Variants in PPP4R2 observed in about 807,000 individuals in gnomAD.
The protein encoded by PPP4R2 is serine/threonine-protein phosphatase 4 regulatory subunit 2.
In PPP4R2, 13 loss-of-function variants were observed where a neutral mutation model predicts 47.2. That is an observed-to-expected ratio of 0.28 (90% CI 0.18 to 0.44). The LOEUF (loss-of-function observed/expected upper bound fraction) is 0.44. Among genes scored for constraint, PPP4R2 ranks in the 20% least tolerant of loss-of-function variants. The pLI is 1.00. For synonymous variants in PPP4R2, 151 were observed against 163.3 expected, an observed-to-expected ratio of 0.92 and a Z score of 0.57; for missense variants, 421 against 491.2, an observed-to-expected ratio of 0.86 and a Z score of 1.35.
chr3:73,035,096 A>G (rs1456990173), intron 2 of PPP4R2, among the ~76,000 whole-genome samples: 3 of 152,108 alleles, frequency 2.0e-5, no homozygotes, highest in African/African-American at 7.2e-5. Context: ...AAAAACACCA[A>G]ATTATCCAAT....
intron 2 of PPP4R2, among the ~76,000 whole-genome samples, chr3:73,015,366 A>G (rs929400170): frequency 4.6e-5 from 7 of 151,688 alleles, no homozygotes; most frequent in Non-Finnish European, 1.0e-4. Context: ...TAGTAGAGAC[A>G]GGGTTTTGCC....
chr3:73,004,686 C>A (rs1278086343), intron 2 of PPP4R2, among the ~76,000 whole-genome samples: 1 of 152,120 alleles, frequency 6.6e-6, no homozygotes, highest in Non-Finnish European at 1.5e-5. Flanking sequence ...CTTAAGTGAT[C>A]TGCCCACTTT....
At chr3:73,034,152 C>G (rs1702220214) in intron 2 of PPP4R2, among the ~76,000 whole-genome samples, 1 of 152,018 alleles carries the variant, frequency 6.6e-6, no homozygotes, top group Admixed American at 6.5e-5. Flanking sequence ...GTATTTTTTT[C>G]TTTTTAAACT....
At chr3:73,055,117 G>C (rs561092212) in intron 3 of PPP4R2, among the ~76,000 whole-genome samples, 7 of 152,280 alleles carry the variant, frequency 4.6e-5, no homozygotes, top group African/African-American at 1.4e-4. Flanking sequence ...ATTAAAGGGA[G>C]TATTTTTAAA....
intron 2 of PPP4R2, among the ~76,000 whole-genome samples, chr3:73,016,546 C>T (rs769122023): frequency 2.0e-5 from 3 of 151,962 alleles, no homozygotes; most frequent in African/African-American, 4.8e-5. Context: ...CTTCTAGGAC[C>T]TCTGAAATTT....
intron 2 of PPP4R2, among the ~76,000 whole-genome samples, chr3:73,016,954 G>A (rs1417635546): frequency 6.6e-6 from 1 of 151,342 alleles, no homozygotes; most frequent in Non-Finnish European, 1.5e-5. Flanking sequence ...AGCCACCCGA[G>A]TAGCTGGGAT....
chr3:73,065,922 C>CGTA lies in PPP4R2; in HGVS notation c.*201_*202insTAG, dbSNP rs1702985650. The CGTA allele has an allele frequency of 1.7e-5, 6 of 361,546 alleles. No homozygotes were observed. The East Asian group carries it at 2.4e-4, about 15-fold the overall frequency. The allele number at this position is 361,546 out of a possible 1,614,324, so 22.4% of individuals were successfully genotyped here. Reference sequence around the variant, plus strand: ...CTCCTCTGGGTCCTGCTTACCTTACCGCTGACTTTTCTTTCTTTCTTTTTT... The same window carrying CGTA: ...CTCCTCTGGGTCCTGCTTACCTTACCGTAGCTGACTTTTCTTTCTTTCTTTTTT... On this transcript the variant is annotated 3_prime_UTR_variant, in exon 9 of 9. Coordinates refer to ENST00000356692, the MANE Select transcript of PPP4R2 (RefSeq NM_174907.4).
In PPP4R2 at chr3:73,006,806, G is replaced by A. The variant is rs186890385; in HGVS notation, c.116+8648G>A. The stretch of plus-strand genomic sequence containing the variant: ...GCTGCTGTTCTCAAATTGGTCTGCA[G>A]TGATTTCCAATGAGTACCTGTTGGC... On this transcript the variant is annotated intron_variant, in intron 2 of 8. Transcript: ENST00000356692. Among the ~76,000 whole-genome samples the A allele has an allele frequency of 3.9e-3, 600 of 152,312 alleles. 2 individuals carry two copies. The highest frequency in any genetic ancestry group is 0.01 in the Middle Eastern group (3 of 294).
chr3:73,063,814 G>A, intron 6 of PPP4R2, 67 bp downstream of exon 6: 1 of 1,249,506 alleles, frequency 8.0e-7, no homozygotes, highest in Non-Finnish European at 1.2e-6. Context: ...CAGGCTTAGT[G>A]TACTTTTTAA....
intron 2 of PPP4R2, among the ~76,000 whole-genome samples, chr3:73,014,640 T>C (rs944653493): frequency 3.3e-5 from 5 of 152,146 alleles, no homozygotes; most frequent in Non-Finnish European, 7.4e-5. Flanking sequence ...AGGTGAAAAA[T>C]GCTTTATTTA....
chr3:73,016,813 CTTTTTTTT>C (rs1207946652), intron 2 of PPP4R2, among the ~76,000 whole-genome samples: 1 of 72,908 alleles, frequency 1.4e-5, no homozygotes, highest in Non-Finnish European at 2.4e-5. Flanking sequence ...TTCATTGTTT[CTTTTTTTT>C]TTTTTTTTTT....
intron 2 of PPP4R2, among the ~76,000 whole-genome samples, chr3:73,020,245 G>T (rs1701930946): frequency 6.6e-6 from 1 of 152,120 alleles, no homozygotes; most frequent in Admixed American, 6.5e-5. Context: ...ACCCAGGTTG[G>T]AGTGTAGTGG....
chr3:73,047,842 T>C (rs956739787), intron 3 of PPP4R2, among the ~76,000 whole-genome samples: 33 of 152,142 alleles, frequency 2.2e-4, no homozygotes, highest in African/African-American at 7.5e-4. Flanking sequence ...TAAAAAGATA[T>C]TCTGTACAAA....
chr3:73,044,410 C>A (rs1190017229), intron 2 of PPP4R2, among the ~76,000 whole-genome samples: 1 of 152,076 alleles, frequency 6.6e-6, no homozygotes, highest in Non-Finnish European at 1.5e-5. Context: ...CATGGTGAAA[C>A]CCCGTCTCTA....
intron 2 of PPP4R2, among the ~76,000 whole-genome samples, chr3:73,033,240 A>G (rs745435779): frequency 7.9e-5 from 12 of 152,232 alleles, no homozygotes; most frequent in East Asian, 3.9e-4. Context: ...CTAGGTTGAA[A>G]ATTATTGTCT....
chr3:73,024,075 T>C (rs972494011), intron 2 of PPP4R2, among the ~76,000 whole-genome samples: 2 of 151,916 alleles, frequency 1.3e-5, no homozygotes, highest in Non-Finnish European at 2.9e-5. Flanking sequence ...ATTTTATAGA[T>C]ATGATTGGCT....
At chr3:73,023,609 A>G (rs953706990) in intron 2 of PPP4R2, among the ~76,000 whole-genome samples, 1 of 152,216 alleles carries the variant, frequency 6.6e-6, no homozygotes, top group African/African-American at 2.4e-5. Context: ...AAAGTAGGAA[A>G]CCTTGTTTAA....
chr3:73,059,964 G>T (rs2107336018), intron 4 of PPP4R2, among the ~76,000 whole-genome samples: 1 of 150,888 alleles, frequency 6.6e-6, no homozygotes, highest in South Asian at 2.1e-4. Flanking sequence ...GAAATGGTGT[G>T]AAGAACAAAG....
At chr3:73,023,048 G>GCA (rs1701991328) in intron 2 of PPP4R2, among the ~76,000 whole-genome samples, 1 of 152,120 alleles carries the variant, frequency 6.6e-6, no homozygotes, top group Non-Finnish European at 1.5e-5. Context: ...AGATCATTAT[G>GCA]AGGATTTGTG....
Sources: allele counts gnomAD v4.1 joint callset (sites outside exome capture counted in the v4.1 genomes callset), GRCh38; gene constraint gnomAD v4.1.1; transcripts MANE v1.5; gene names NCBI Gene and HGNC (gene_info 2026-07-23, HGNC 2026-07-21).